The following MTUS2 variants were observed in gnomAD, a reference collection of about 807,000 sequenced individuals.
MTUS2 encodes the protein microtubule-associated tumor suppressor candidate 2.
Under a neutral mutation model 114.1 loss-of-function variants are expected in MTUS2, and 40 were observed. The ratio of observed to expected loss-of-function variants is 0.35; its 90% CI spans 0.27 to 0.46. MTUS2 has a LOEUF of 0.46. Ranked by LOEUF, MTUS2 falls within the 20% of genes least tolerant of loss-of-function variation. The probability of loss-of-function intolerance (pLI) is 1.00; values close to 1 mark genes in which losing one functional copy is unlikely to be tolerated. For synonymous variants in MTUS2, 688 were observed against 672.0 expected (o/e 1.02, Z -0.37); for missense variants, 1,679 against 1,705.4 (o/e 0.98, Z 0.27).
intron 5 of MTUS2, among the ~76,000 whole-genome samples, chr13:29,195,442 T>C (rs117186157): frequency 6.6e-6 from 1 of 151,424 alleles, no homozygotes. Context: ...TTCGTAGTTA[T>C]GTGTTTTTGT....
chr13:29,128,537 T>TA (rs1891616274), intron 5 of MTUS2, among the ~76,000 whole-genome samples: 1 of 152,304 alleles, frequency 6.6e-6, no homozygotes. Context: ...TTGAAAATCT[T>TA]ACGGAAGGTG....
chr13:29,319,553 A>G (rs1900165277), intron 6 of MTUS2, among the ~76,000 whole-genome samples: 1 of 152,160 alleles, frequency 6.6e-6, no homozygotes, highest in Admixed American at 6.5e-5. Flanking sequence ...CCCAACTCAC[A>G]TCTTGTTTCA....
intron 4 of MTUS2, among the ~76,000 whole-genome samples, chr13:29,099,523 A>G (rs909925858): frequency 2.0e-5 from 3 of 152,072 alleles, no homozygotes; most frequent in Non-Finnish European, 4.4e-5. Flanking sequence ...ATTCCCACAC[A>G]TAGATGCTTT....
intron 2 of MTUS2, among the ~76,000 whole-genome samples, chr13:28,976,485 A>G (rs1039296235): frequency 1.3e-5 from 2 of 152,172 alleles, no homozygotes; most frequent in African/African-American, 2.4e-5. Context: ...GGACTGGAAT[A>G]TAATTCAGTA....
At chr13:29,090,212 C>A (rs1176527511) in intron 4 of MTUS2, among the ~76,000 whole-genome samples, 1 of 152,174 alleles carries the variant, frequency 6.6e-6, no homozygotes, top group Non-Finnish European at 1.5e-5. Flanking sequence ...TCAGTCAGTA[C>A]TCCTGGGCTG....
At chr13:29,416,964 A>G (rs1430252478) in intron 8 of MTUS2, among the ~76,000 whole-genome samples, 1 of 152,084 alleles carries the variant, frequency 6.6e-6, no homozygotes, top group Non-Finnish European at 1.5e-5. Context: ...TTATCTGAAA[A>G]GTTTTCTTAT....
At chr13:28,871,254 A>G (rs1472010415) in intron 2 of MTUS2, among the ~76,000 whole-genome samples, 3 of 152,216 alleles carry the variant, frequency 2.0e-5, no homozygotes, top group Admixed American at 6.5e-5. Context: ...AAGCCCTTCT[A>G]TCTCCTTATG....
chr13:29,390,761 GAT>G, intron 8 of MTUS2, among the ~76,000 whole-genome samples: 1 of 148,466 alleles, frequency 6.7e-6, no homozygotes, highest in Admixed American at 6.7e-5. Flanking sequence ...AAATGGTGAT[GAT>G]GATGATGATG....
intron 7 of MTUS2, among the ~76,000 whole-genome samples, chr13:29,325,330 C>T (rs151068834): frequency 2.8e-3 from 421 of 151,872 alleles, no homozygotes; most frequent in African/African-American, 9.6e-3. Context: ...ATGGCTTTCG[C>T]CTGTAGTCCC....
chr13:29,415,245 G>A (rs981120150), intron 8 of MTUS2, among the ~76,000 whole-genome samples: 4 of 152,036 alleles, frequency 2.6e-5, no homozygotes, highest in Admixed American at 6.5e-5. Context: ...TGAAAAACAG[G>A]TATAGTCACT....
At chr13:29,441,358 C>A (rs1005734678) in intron 9 of MTUS2, among the ~76,000 whole-genome samples, 3 of 152,192 alleles carry the variant, frequency 2.0e-5, no homozygotes, top group Non-Finnish European at 2.9e-5. Context: ...TGGCCCCACT[C>A]CCCGCAGACG....
intron 3 of MTUS2, 102 bp from the exon 4 acceptor site, chr13:29,033,783 G>A: frequency 7.0e-7 from 1 of 1,422,468 alleles, no homozygotes; most frequent in Non-Finnish European, 9.6e-7. Context: ...CAGCTAAGTG[G>A]TACCAGAGTG....
intron 8 of MTUS2, among the ~76,000 whole-genome samples, chr13:29,414,412 A>T (rs1454988636): frequency 7.7e-6 from 1 of 130,590 alleles, no homozygotes; most frequent in Non-Finnish European, 1.6e-5. Flanking sequence ...ATATGTAACT[A>T]ACCTGCACAA....
chr13:29,418,388 GGCCATGACTCT>G (rs1193033751), intron 8 of MTUS2, among the ~76,000 whole-genome samples: 4 of 152,074 alleles, frequency 2.6e-5, no homozygotes, highest in African/African-American at 9.7e-5. Flanking sequence ...TTAATTGAGT[GGCCATGACTCT>G]CTGTCTTTAT....
At chr13:29,058,564 TGC>T (rs747755813) in intron 4 of MTUS2, among the ~76,000 whole-genome samples, 374 of 16,258 alleles carry the variant, frequency 0.023, 5 homozygotes, top group Middle Eastern at 0.045. Flanking sequence ...GCCAGGTTGA[TGC>T]TTTTTTTTTT....
chr13:29,438,899 A>G (rs1877620360), intron 8 of MTUS2, among the ~76,000 whole-genome samples: 1 of 152,270 alleles, frequency 6.6e-6, no homozygotes, highest in South Asian at 2.1e-4. Flanking sequence ...AAAGCAGCAC[A>G]CTTGTTCCCT....
chr13:28,855,040 C>G (rs1011670581), intron 2 of MTUS2, among the ~76,000 whole-genome samples: 9 of 152,208 alleles, frequency 5.9e-5, no homozygotes, highest in African/African-American at 2.2e-4. Flanking sequence ...TTTACCAGCT[C>G]TTCCTTCATT....
At chr13:29,193,112 CA>C (rs1894513835) in intron 5 of MTUS2, among the ~76,000 whole-genome samples, 1 of 152,134 alleles carries the variant, frequency 6.6e-6, no homozygotes, top group South Asian at 2.1e-4. Flanking sequence ...CCTCTAACTG[CA>C]GAAATGCTGT....
rs189674951 is a variant in MTUS2, at chr13:29,463,438, C to A, written c.3185-16712C>A. On this transcript the variant is annotated intron_variant, in intron 9 of 15. Transcript: ENST00000612955. ...GAATATCACCTTGAATAAGACACTT[C>A]TAGAAGGAAGATTTTTTTTAGTTTC... Among the ~76,000 whole-genome samples, 168 of 152,306 alleles carry A rather than the reference C, an allele frequency of 1.1e-3. 1 individual carries two copies. The highest frequency in any genetic ancestry group is 3.9e-3 in the African/African-American group (161 of 41,572).
Sources: allele counts gnomAD v4.1 joint callset (sites outside exome capture counted in the v4.1 genomes callset), GRCh38; gene constraint gnomAD v4.1.1; transcripts MANE v1.5; gene names NCBI Gene and HGNC (gene_info 2026-07-23, HGNC 2026-07-21).